The following PADI6 variants were observed in gnomAD, a reference collection of about 807,000 sequenced individuals.
PADI6 encodes peptidyl arginine deiminase 6.
In PADI6, 66 loss-of-function variants were observed where a neutral mutation model predicts 78.2. That is an observed-to-expected ratio of 0.84 (90% CI 0.69 to 1.04). The LOEUF is 1.04. PADI6 is among the 50% of genes least tolerant of loss of function. PADI6 has a pLI of 0.00. For missense variants in PADI6, 854 were observed against 866.1 expected, an observed-to-expected ratio of 0.99 and a Z score of 0.18; for synonymous variants, 397 against 346.9, an observed-to-expected ratio of 1.14 and a Z score of -1.60.
chr1:17,394,522 G>T (rs530903968), intron 11 of PADI6, 68 bp downstream of exon 11: 3 of 1,512,900 alleles, frequency 2.0e-6, no homozygotes, highest in African/African-American at 2.8e-5. Flanking sequence ...GGCCCCGCCT[G>T]CTTCCCATAG....
rs757326550 is a variant in PADI6, at chr1:17,398,881, G to A, written c.1851+34G>A. 4.3e-5 allele frequency: 69 copies of A among 1,606,140 alleles called. No homozygotes were observed. In the East Asian group the frequency reaches 1.5e-3, roughly 35 times the overall value. The stretch of plus-strand genomic sequence containing the variant: ...CGACTGCGCATCCCTGGGTGGGGGA[G>A]GGCCTGTCCAGGCAACACTGGCTGC... On this transcript the variant is annotated intron_variant, in intron 15 of 15. Coordinates refer to ENST00000619609, the MANE Select transcript of PADI6 (RefSeq NM_207421.4).
rs2075240276 is a variant in PADI6, at chr1:17,395,761, C to T, written c.1618+98C>T. 1.1e-5 allele frequency: 15 copies of T among 1,421,022 alleles called. No homozygotes were observed. The South Asian group carries it at 2.1e-4, about 20-fold the overall frequency. The allele number at this position is 1,421,022 out of a possible 1,614,324, so 88.0% of individuals were successfully genotyped here. On this transcript the variant is annotated intron_variant, in intron 13 of 15. Transcript: ENST00000619609. ...TCTGTCACGCTTGGCGTAAAGGATG[C>T]CAGGGAAGCACAGAAGCTGTTGGAA...
chr1:17,392,027 G>A lies in PADI6; in HGVS notation c.963-87G>A, dbSNP rs1044817757. The A allele has an allele frequency of 3.6e-6, 4 of 1,108,372 alleles. No homozygotes were observed. The African/African-American group carries it at 4.7e-5, about 13-fold the overall frequency. The allele number at this position is 1,108,372 out of a possible 1,614,324, so 68.7% of individuals were successfully genotyped here. On this transcript the variant is annotated intron_variant, in intron 8 of 15. Coordinates refer to ENST00000619609, the MANE Select transcript of PADI6 (RefSeq NM_207421.4). ...TGTAACCTCTCCTGGTGAGAAGGAT[G>A]TGTTCTTCCTCTCTTGGCACAAGGA...
chr1:17,397,026 T>C, intron 13 of PADI6, 45 bp from the exon 14 acceptor site: 1 of 1,591,180 alleles, frequency 6.3e-7, no homozygotes, highest in Non-Finnish European at 8.6e-7. Flanking sequence ...TGGGCAGTGC[T>C]GCCATTCCCT....
rs1311504833 is a variant in PADI6, at chr1:17,401,621, C to T, written c.*183C>T. On this transcript the variant is annotated 3_prime_UTR_variant, in exon 16 of 16. Transcript: ENST00000619609. ...TGGCAAATGCCGCCAGCTTGAACCC[C>T]TATGGGGAAAAGATGCAAAAGTGTT... 2 of 621,912 alleles carry T rather than the reference C, an allele frequency of 3.2e-6. No homozygotes were observed. The highest frequency in any genetic ancestry group is 5.6e-6 in the Non-Finnish European group (2 of 358,462). 38.5% of individuals were successfully genotyped at this position (621,912 alleles called of 1,614,324 possible). A position where few individuals can be genotyped will look rare whatever the true frequency, so the allele number is the denominator to read the frequency against.
intron 6 of PADI6, among the ~76,000 whole-genome samples, chr1:17,383,882 C>T (rs1027274881): frequency 1.3e-5 from 2 of 151,838 alleles, no homozygotes; most frequent in South Asian, 2.1e-4. Context: ...GAGCACGGGG[C>T]TTATGCCTAT....
Position 17,382,013 on chromosome 1 carries a change from C to T in PADI6, c.600C>T (p.Ser200=). 2 of 1,613,920 alleles carry T rather than the reference C, an allele frequency of 1.2e-6. No individual in the cohort carries two copies. The highest frequency in any genetic ancestry group is 4.5e-5 in the East Asian group (2 of 44,878). Residue 200 remains serine (S), a synonymous_variant, in exon 6 of 16, where the codon AGC becomes AGT. Coordinates refer to ENST00000619609, the MANE Select transcript of PADI6 (RefSeq NM_207421.4). ...TGACTCTGAATGTCCAAGGCCCCAG[C>T]TGTATCTTAAAGAAATATCGGCTAG... The part of the protein sequence containing the change: ...SQMTLNVQGP[S]CILKKYRLVL...
intron 15 of PADI6, 56 bp from the exon 16 acceptor site, chr1:17,401,149 T>G: frequency 1.3e-6 from 2 of 1,547,308 alleles, no homozygotes. Flanking sequence ...GGTGGGCGGC[T>G]GGCTTTCAGG....
chr1:17,391,119 C>T (rs568746075), intron 8 of PADI6, among the ~76,000 whole-genome samples: 4 of 152,362 alleles, frequency 2.6e-5, no homozygotes, highest in African/African-American at 9.6e-5. Flanking sequence ...AGCTTTGGAC[C>T]TGAAGCCGGA....
intron 8 of PADI6, among the ~76,000 whole-genome samples, chr1:17,390,274 C>T (rs918492471): frequency 6.6e-5 from 10 of 151,748 alleles, no homozygotes; most frequent in African/African-American, 2.2e-4. Flanking sequence ...GCACTGCAGC[C>T]TGGGAAACAA....
At chr1:17,388,666 A>T in intron 7 of PADI6, 107 bp downstream of exon 7, 1 of 1,457,886 alleles carries the variant, frequency 6.9e-7, no homozygotes, top group African/African-American at 1.4e-5. Context: ...AGAGCTGCAG[A>T]AGGCAAGTGG....
intron 6 of PADI6, among the ~76,000 whole-genome samples, chr1:17,383,856 C>T (rs1334348807): frequency 5.3e-5 from 8 of 150,734 alleles, no homozygotes; most frequent in African/African-American, 2.0e-4. Flanking sequence ...AAAACTTATT[C>T]AACAATCTAG....
chr1:17,378,289 G>A (rs2075037976), intron 3 of PADI6, among the ~76,000 whole-genome samples: 1 of 152,164 alleles, frequency 6.6e-6, no homozygotes, highest in South Asian at 2.1e-4. Flanking sequence ...TAAGCTCTAA[G>A]GAGATGAGGT....
intron 9 of PADI6, among the ~76,000 whole-genome samples, chr1:17,392,430 C>T (rs184514891): frequency 6.6e-6 from 1 of 152,342 alleles, no homozygotes; most frequent in East Asian, 1.9e-4. Context: ...GTCCAGCCTC[C>T]TTCCCATTCC....
chr1:17,393,166 G>T lies in PADI6; in HGVS notation c.1075-809G>T, dbSNP rs2075206458. Reference sequence around the variant, plus strand: ...CTCAAAAGAAAAAAAAAAATCTGGGGTTGTGCTTGGAGGTCTTGAAGAAGG... The same window carrying T: ...CTCAAAAGAAAAAAAAAAATCTGGGTTTGTGCTTGGAGGTCTTGAAGAAGG... On this transcript the variant is annotated intron_variant, in intron 9 of 15. Transcript: ENST00000619609. 4.6e-5 allele frequency among the ~76,000 whole-genome samples: 7 copies of T among 152,034 alleles called. No individual in the cohort carries two copies. In the South Asian group the frequency reaches 1.2e-3, roughly 27 times the overall value.
chr1:17,379,422 A>T (rs540168816), intron 3 of PADI6, among the ~76,000 whole-genome samples: 19 of 152,002 alleles, frequency 1.2e-4, no homozygotes, highest in Middle Eastern at 3.4e-3. Flanking sequence ...CCGCCCAGTT[A>T]ATTTTTGTAT....
chr1:17,382,004 A>C lies in PADI6; in HGVS notation c.591A>C (p.Gln197His), dbSNP rs2075077307. Residue 197 changes from glutamine to histidine, a missense_variant, in exon 6 of 16, where the codon CAA becomes CAC. Coordinates refer to ENST00000619609, the MANE Select transcript of PADI6 (RefSeq NM_207421.4). ...TNLSQMTLNV[Q>H]GPSCILKKYR... ...TGTCCCAGATGACTCTGAATGTCCA[A>C]GGCCCCAGCTGTATCTTAAAGAAAT... is the stretch of plus-strand genomic sequence containing the variant. 1 of 1,613,912 alleles carries C rather than the reference A, an allele frequency of 6.2e-7. No individual in the cohort carries two copies. Among genetic ancestry groups the C allele is most frequent in the South Asian group, 1.1e-5 (1 of 91,080 alleles).
At chr1:17,391,968 G>C in intron 8 of PADI6, 146 bp from the exon 9 acceptor site, 1 of 645,988 alleles carries the variant, frequency 1.5e-6, no homozygotes, top group Non-Finnish European at 2.7e-6. Flanking sequence ...GCCGAGGTCA[G>C]GGATGGTTGC....
rs1419773364 is a variant in PADI6, at chr1:17,381,035, T to C, written c.436-12T>C. 4 of 1,579,562 alleles carry C rather than the reference T, an allele frequency of 2.5e-6. No homozygotes were observed. In the African/African-American group the frequency reaches 5.4e-5, roughly 21 times the overall value. Reference sequence around the variant, plus strand: ...GCTCCTTCCTGAGCCAATGTTCCCATCTCATTTGCAGAAAAAATGGATCTG... The same window carrying C: ...GCTCCTTCCTGAGCCAATGTTCCCACCTCATTTGCAGAAAAAATGGATCTG... On this transcript the variant is annotated splice_polypyrimidine_tract_variant and intron_variant, in intron 4 of 15. Coordinates refer to ENST00000619609, the MANE Select transcript of PADI6 (RefSeq NM_207421.4).
Sources: gnomAD v4.1 joint callset for allele counts (sites outside exome capture counted in the v4.1 genomes callset) on GRCh38, gnomAD v4.1.1 for gene constraint, MANE v1.5 for transcripts, NCBI Gene and HGNC (gene_info 2026-07-23, HGNC 2026-07-21) for gene names.